The following SDK1 variants were observed in gnomAD, a reference collection of about 807,000 sequenced individuals.
The protein encoded by SDK1 is protein sidekick-1.
SDK1 carries 157 observed loss-of-function variants against 245.5 expected under a neutral mutation model. That is an observed-to-expected ratio of 0.64 (90% CI 0.56 to 0.73). SDK1 has a LOEUF of 0.73. Ranked by LOEUF, SDK1 falls within the 30% of genes least tolerant of loss-of-function variation. The pLI is 0.00. For synonymous variants in SDK1, 1,647 were observed against 1,278.5 expected, an observed-to-expected ratio of 1.29 and a Z score of -6.15; for missense variants, 3,583 against 3,002.3, an observed-to-expected ratio of 1.19 and a Z score of -4.52.
chr7:3,885,115 C>G (rs1330202894), intron 5 of SDK1, among the ~76,000 whole-genome samples: 1 of 152,128 alleles, frequency 6.6e-6, no homozygotes, highest in African/African-American at 2.4e-5. Flanking sequence ...CCTGCCCATC[C>G]CTAAGGCTGT....
intron 4 of SDK1, among the ~76,000 whole-genome samples, chr7:3,695,790 C>T (rs1047930533): frequency 5.3e-5 from 8 of 152,138 alleles, no homozygotes; most frequent in East Asian, 1.9e-4. Context: ...AACCGCTAGA[C>T]GTAGCCTGTA....
intron 30 of SDK1, among the ~76,000 whole-genome samples, chr7:4,153,784 A>T (rs1408349246): frequency 6.6e-6 from 1 of 151,972 alleles, no homozygotes; most frequent in African/African-American, 2.4e-5. Flanking sequence ...TCAAGATACC[A>T]TCCTGTCTCA....
At chr7:3,977,977 A>G (rs1409914344) in intron 13 of SDK1, among the ~76,000 whole-genome samples, 1 of 152,156 alleles carries the variant, frequency 6.6e-6, no homozygotes, top group African/African-American at 2.4e-5. Context: ...CACCATGGGT[A>G]TACAAGTAAG....
chr7:4,084,557 G>T (rs1781301387), intron 22 of SDK1, among the ~76,000 whole-genome samples: 1 of 152,142 alleles, frequency 6.6e-6, no homozygotes, highest in African/African-American at 2.4e-5. Flanking sequence ...GCTCCCAGCT[G>T]GTCCCTGCTT....
At chr7:3,829,172 G>A (rs1190540610) in intron 5 of SDK1, among the ~76,000 whole-genome samples, 1 of 152,092 alleles carries the variant, frequency 6.6e-6, no homozygotes, top group Admixed American at 6.5e-5. Context: ...CAGAAATTAT[G>A]TTCTTTTTAG....
At chr7:3,360,941 C>T (rs1780934918) in intron 1 of SDK1, among the ~76,000 whole-genome samples, 2 of 152,088 alleles carry the variant, frequency 1.3e-5, no homozygotes, top group Admixed American at 1.3e-4. Context: ...TTATTCAACA[C>T]GTTTGAATAG....
chr7:3,990,011 G>A (rs192461811), intron 14 of SDK1, among the ~76,000 whole-genome samples: 3 of 152,234 alleles, frequency 2.0e-5, no homozygotes, highest in Admixed American at 6.5e-5. Context: ...TCAGGCATCC[G>A]CAGAGGAGCC....
intron 43 of SDK1, among the ~76,000 whole-genome samples, chr7:4,245,176 G>A (rs1169208433): frequency 6.6e-6 from 1 of 152,136 alleles, no homozygotes; most frequent in Admixed American, 6.6e-5. Flanking sequence ...CAGCCAGAGA[G>A]GACGAATGCT....
intron 5 of SDK1, among the ~76,000 whole-genome samples, chr7:3,922,039 C>A (rs1477886372): frequency 6.6e-6 from 1 of 152,212 alleles, no homozygotes; most frequent in Non-Finnish European, 1.5e-5. Context: ...GGCCTCTCAC[C>A]CATGCTCCTC....
intron 13 of SDK1, among the ~76,000 whole-genome samples, chr7:3,980,873 G>A (rs1304926837): frequency 1.3e-5 from 2 of 152,024 alleles, no homozygotes; most frequent in African/African-American, 4.8e-5. Flanking sequence ...CTCAGGAGGC[G>A]GAGGTTGCAG....
At chr7:3,928,720 C>G (rs995769662) in intron 5 of SDK1, among the ~76,000 whole-genome samples, 9 of 152,186 alleles carry the variant, frequency 5.9e-5, no homozygotes, top group Admixed American at 2.6e-4. Context: ...TAATCTGCCC[C>G]TAGGACCAGG....
intron 4 of SDK1, among the ~76,000 whole-genome samples, chr7:3,758,373 C>G (rs552815306): frequency 2.0e-5 from 3 of 152,122 alleles, no homozygotes; most frequent in Non-Finnish European, 4.4e-5. Context: ...TCCCATCTCC[C>G]ATTTATATAT....
In SDK1 at chr7:3,728,891, C is replaced by T. The variant is rs114452744; in HGVS notation, c.713+86786C>T. ...AAAGTGCTGTGGGTCCGTGAGCCAC[C>T]GCACTGGACCAACAGTGGCTATTTC... is the stretch of plus-strand genomic sequence containing the variant. On this transcript the variant is annotated intron_variant, in intron 4 of 44. Coordinates refer to ENST00000404826, the MANE Select transcript of SDK1 (RefSeq NM_152744.4). Among the ~76,000 whole-genome samples the T allele has an allele frequency of 9.6e-3, 1,463 of 152,020 alleles. 11 individuals carry two copies. Among genetic ancestry groups the T allele is most frequent in the African/African-American group, 0.02 (818 of 41,460 alleles).
At chr7:3,804,728 T>C (rs1372175869) in intron 4 of SDK1, among the ~76,000 whole-genome samples, 1 of 152,182 alleles carries the variant, frequency 6.6e-6, no homozygotes, top group Non-Finnish European at 1.5e-5. Flanking sequence ...GAACTTTGAT[T>C]TCTTTCTTTA....
At chr7:4,139,651 G>GTATA (rs1562872461) in intron 28 of SDK1, among the ~76,000 whole-genome samples, 60 of 21,812 alleles carry the variant, frequency 2.8e-3, no homozygotes, top group African/African-American at 8.9e-3. Flanking sequence ...GTGTGTATAT[G>GTATA]TGTGTGTGTA....
chr7:4,079,647 A>C, intron 22 of SDK1, 63 bp downstream of exon 22: 3 of 1,599,010 alleles, frequency 1.9e-6, no homozygotes, highest in Non-Finnish European at 2.6e-6. Context: ...CCTGTGAATG[A>C]GTGGTACCCC....
At chr7:3,399,649 C>G (rs1292519954) in intron 1 of SDK1, among the ~76,000 whole-genome samples, 5 of 152,094 alleles carry the variant, frequency 3.3e-5, no homozygotes, top group African/African-American at 1.2e-4. Flanking sequence ...AGTTTATTTT[C>G]TTCATTGTGT....
intron 44 of SDK1, among the ~76,000 whole-genome samples, chr7:4,258,480 A>G (rs1219169672): frequency 6.6e-6 from 1 of 152,222 alleles, no homozygotes; most frequent in Non-Finnish European, 1.5e-5. Flanking sequence ...CGCTTTCCAT[A>G]TAAGACTCAC....
At chr7:3,438,202 AAACTG>A (rs1486173294) in intron 1 of SDK1, among the ~76,000 whole-genome samples, 1 of 152,210 alleles carries the variant, frequency 6.6e-6, no homozygotes, top group African/African-American at 2.4e-5. Flanking sequence ...AGTTAATACT[AAACTG>A]AACGTTTGCT....
Sources: allele counts gnomAD v4.1 joint callset (sites outside exome capture counted in the v4.1 genomes callset), GRCh38; gene constraint gnomAD v4.1.1; transcripts MANE v1.5; gene names NCBI Gene and HGNC (gene_info 2026-07-23, HGNC 2026-07-21).